The following TRDN variants were observed in gnomAD, a reference collection of about 807,000 sequenced individuals.
TRDN encodes the protein triadin in skeletal muscle.
Under a neutral mutation model 149.7 loss-of-function variants are expected in TRDN, and 161 were observed. That is an observed-to-expected ratio of 1.08 (90% confidence interval 0.95 to 1.23). The LOEUF is 1.23. Ranked by LOEUF, TRDN falls within the 50% of genes most tolerant of loss-of-function variation. TRDN has a pLI of 0.00. For missense variants in TRDN, 896 were observed against 823.5 expected (o/e 1.09, Z -1.08); for synonymous variants, 294 against 250.5 (o/e 1.17, Z -1.64).
chr6:123,316,666 C>A (rs1779036341), intron 23 of TRDN, among the ~76,000 whole-genome samples, 171 bp from the exon 24 acceptor site: 1 of 151,708 alleles, frequency 6.6e-6, no homozygotes, highest in African/African-American at 2.4e-5. Context: ...GAATATGTAT[C>A]TTTGGTAAAT....
At chr6:123,395,287 A>T (rs189837506) in intron 12 of TRDN, among the ~76,000 whole-genome samples, 97 of 152,250 alleles carry the variant, frequency 6.4e-4, no homozygotes, top group Admixed American at 5.6e-3. Flanking sequence ...TAGAGCACGG[A>T]GGTCACACAC....
chr6:123,290,775 C>A (rs1293417056), intron 24 of TRDN, among the ~76,000 whole-genome samples: 2 of 152,002 alleles, frequency 1.3e-5, no homozygotes, highest in South Asian at 4.2e-4. Flanking sequence ...TAATTTTTGT[C>A]TAATTTGGAA....
intron 1 of TRDN, among the ~76,000 whole-genome samples, chr6:123,581,627 C>T (rs1305271862): frequency 1.3e-5 from 2 of 152,112 alleles, no homozygotes; most frequent in Non-Finnish European, 2.9e-5. Context: ...AAAACATTTT[C>T]ATGATATGAG....
At chr6:123,634,942 G>T (rs1431417202) in intron 1 of TRDN, among the ~76,000 whole-genome samples, 1 of 151,756 alleles carries the variant, frequency 6.6e-6, no homozygotes, top group Non-Finnish European at 1.5e-5. Context: ...TTAAACCCCC[G>T]CAGAGCAAAG....
intron 6 of TRDN, among the ~76,000 whole-genome samples, chr6:123,515,361 T>G (rs1779367366): frequency 6.6e-6 from 1 of 151,762 alleles, no homozygotes; most frequent in South Asian, 2.1e-4. Flanking sequence ...ATGAATAAAA[T>G]AAAAATTAAA....
intron 18 of TRDN, 133 bp downstream of exon 18, chr6:123,377,583 C>A (rs763509106): frequency 1.0e-5 from 11 of 1,047,722 alleles, no homozygotes; most frequent in Non-Finnish European, 1.4e-5. Flanking sequence ...ATGTCAAGAA[C>A]TTGGAAAAAA....
At chr6:123,492,773 T>G (rs1450269065) in intron 9 of TRDN, among the ~76,000 whole-genome samples, 1 of 152,142 alleles carries the variant, frequency 6.6e-6, no homozygotes, top group Non-Finnish European at 1.5e-5. Context: ...CCATAAATTG[T>G]GTTTTGATGT....
At chr6:123,532,114 G>A (rs1431978923) in intron 4 of TRDN, among the ~76,000 whole-genome samples, 2 of 151,908 alleles carry the variant, frequency 1.3e-5, no homozygotes, top group Non-Finnish European at 2.9e-5. Flanking sequence ...CTAGACATTT[G>A]TGCATATTAA....
intron 38 of TRDN, among the ~76,000 whole-genome samples, chr6:123,233,168 T>C (rs977179390): frequency 4.6e-5 from 7 of 152,132 alleles, no homozygotes; most frequent in African/African-American, 1.7e-4. Flanking sequence ...TAACAGAATA[T>C]TACTTTCTAA....
rs905316682 is a variant in TRDN at position 123,532,864 on chromosome 6, G to A, written c.425-2299C>T. Among the ~76,000 whole-genome samples, 3 of 151,716 alleles carry A rather than the reference G, an allele frequency of 2.0e-5. No homozygotes were observed. The East Asian group carries it at 5.8e-4, about 30-fold the overall frequency. ...CAGGTCTAAGGCACGTCTAATCCCAGGGGGAGCAAAGGACCTTTACAAAAC... is the reference window on the plus strand; with the variant it reads ...CAGGTCTAAGGCACGTCTAATCCCAAGGGGAGCAAAGGACCTTTACAAAAC... On this transcript the variant is annotated intron_variant, in intron 4 of 40. Transcript: ENST00000334268.
At position 123,278,193 on chromosome 6, in the gene TRDN, T is replaced by C. The variant is rs1309199460; in HGVS notation, c.1567+125A>G. The stretch of plus-strand genomic sequence containing the variant: ...GAAATATATATTTTGTTAGTTTTTT[T>C]TTAAGTTGGTCAAGGATAAAATTTG... On this transcript the variant is annotated intron_variant, in intron 26 of 40. Transcript: ENST00000334268. 1.1e-5 allele frequency: 7 copies of C among 644,430 alleles called. No homozygotes were observed. The East Asian group carries it at 4.0e-4, about 37-fold the overall frequency. 39.9% of individuals were successfully genotyped at this position (644,430 alleles called of 1,614,324 possible).
At chr6:123,333,257 G>A (rs1479153571) in intron 22 of TRDN, among the ~76,000 whole-genome samples, 1 of 151,942 alleles carries the variant, frequency 6.6e-6, no homozygotes, top group Admixed American at 6.6e-5. Flanking sequence ...TCGAGTCTCA[G>A]AATTCAAGAT....
At chr6:123,359,686 ATTTG>A (rs556540709) in intron 20 of TRDN, among the ~76,000 whole-genome samples, 34 of 151,648 alleles carry the variant, frequency 2.2e-4, no homozygotes, top group South Asian at 4.2e-4. Context: ...TGTGAAGGGG[ATTTG>A]TTTGTTTGTT....
rs1775711579 is a variant in TRDN at position 123,234,372 on chromosome 6, A to G, written c.1976-10241T>C. Among the ~76,000 whole-genome samples the G allele has an allele frequency of 2.0e-5, 3 of 152,128 alleles. No homozygotes were observed. In the South Asian group the frequency reaches 6.2e-4, roughly 31 times the overall value. On this transcript the variant is annotated intron_variant, in intron 38 of 40. Coordinates refer to ENST00000334268, the MANE Select transcript of TRDN (RefSeq NM_006073.4). ...ATAAACACACATATATTAAATATAT[A>G]TACACCCATGTGTAGCCAGAAATAA...
intron 14 of TRDN, among the ~76,000 whole-genome samples, chr6:123,386,054 T>C (rs114659320): frequency 0.012 from 1,803 of 152,296 alleles, 35 homozygotes; most frequent in African/African-American, 0.041. Context: ...GCATAGAATA[T>C]ATATTTGTTC....
At chr6:123,340,690 G>T (rs546405440) in intron 21 of TRDN, among the ~76,000 whole-genome samples, 2 of 151,624 alleles carry the variant, frequency 1.3e-5, no homozygotes, top group African/African-American at 4.8e-5. Context: ...ATTTTTTCAC[G>T]AACATAATGA....
At chr6:123,485,215 A>C (rs1777922920) in intron 9 of TRDN, among the ~76,000 whole-genome samples, 1 of 152,178 alleles carries the variant, frequency 6.6e-6, no homozygotes, top group Admixed American at 6.6e-5. Flanking sequence ...TGCTGCCTGC[A>C]GTCTACTCAT....
intron 1 of TRDN, among the ~76,000 whole-genome samples, chr6:123,596,203 T>C (rs1452762506): frequency 6.6e-6 from 1 of 152,054 alleles, no homozygotes; most frequent in Non-Finnish European, 1.5e-5. Flanking sequence ...TCTGAATAGA[T>C]CAAACCAACC....
intron 12 of TRDN, among the ~76,000 whole-genome samples, chr6:123,424,049 G>A (rs1774017979): frequency 1.3e-5 from 2 of 152,020 alleles, no homozygotes; most frequent in African/African-American, 2.4e-5. Flanking sequence ...AGAATAAGAA[G>A]GAAAGAGAAA....
Sources: gnomAD v4.1 joint callset for allele counts (sites outside exome capture counted in the v4.1 genomes callset) on GRCh38, gnomAD v4.1.1 for gene constraint, MANE v1.5 for transcripts, NCBI Gene and HGNC (gene_info 2026-07-23, HGNC 2026-07-21) for gene names.